Variants in ABR observed in about 807,000 individuals in gnomAD.
ABR encodes ABR activator of RhoGEF and GTPase, also known as active breakpoint cluster region-related protein.
A neutral mutation model predicts 107.2 loss-of-function variants in ABR; 35 were observed. The observed-to-expected ratio is 0.33, with a 90% CI of 0.25 to 0.43. ABR has a LOEUF of 0.43. ABR is among the 20% of genes least tolerant of loss of function. ABR has a pLI of 1.00. For missense variants in ABR, 815 were observed against 1,115.2 expected, an observed-to-expected ratio of 0.73 and a Z score of 3.83; for synonymous variants, 498 against 462.0, an observed-to-expected ratio of 1.08 and a Z score of -1.00.
At chr17:1,039,868 C>G (rs527813422) in intron 16 of ABR, among the ~76,000 whole-genome samples, 2 of 152,162 alleles carry the variant, frequency 1.3e-5, no homozygotes, top group Non-Finnish European at 2.9e-5. Flanking sequence ...GGCGCCGACG[C>G]GGGCTGATCT....
intron 1 of ABR, among the ~76,000 whole-genome samples, chr17:1,204,724 T>C (rs11650430): frequency 0.36 from 54,296 of 151,866 alleles, 11,191 homozygotes; most frequent in Non-Finnish European, 0.48. Flanking sequence ...CATAGTGGGC[T>C]ATACCATTGA....
intron 1 of ABR, among the ~76,000 whole-genome samples, chr17:1,160,478 G>A (rs1022699261): frequency 1.3e-5 from 2 of 152,194 alleles, no homozygotes; most frequent in Non-Finnish European, 2.9e-5. Flanking sequence ...TGACACCTAC[G>A]TCTCTCTGAC....
At chr17:1,196,931 T>C (rs1203366222) in intron 1 of ABR, among the ~76,000 whole-genome samples, 1 of 151,774 alleles carries the variant, frequency 6.6e-6, no homozygotes, top group Non-Finnish European at 1.5e-5. Flanking sequence ...CCTGACCTCG[T>C]GATCCATCCG....
At chr17:1,160,663 C>T (rs144457026) in intron 1 of ABR, among the ~76,000 whole-genome samples, 183 of 152,286 alleles carry the variant, frequency 1.2e-3, no homozygotes, top group African/African-American at 4.0e-3. Context: ...AGCCAGACGC[C>T]GAGCGCGTAC....
rs889582352 is a variant in ABR at position 1,050,031 on chromosome 17, C to T, written c.1791+19G>A. 11 of 1,610,160 alleles carry T rather than the reference C, an allele frequency of 6.8e-6. No homozygotes were observed. The highest frequency in any genetic ancestry group is 9.3e-6 in the Non-Finnish European group (11 of 1,178,584). On this transcript the variant is annotated intron_variant, in intron 16 of 22. Transcript: ENST00000302538. The surrounding 1 kb of genome is among the most constrained non-coding windows in gnomAD (Gnocchi z 4.6). ...CTCCTGGAGGCTCCCTCAGCCTCGC[C>T]CCGGCGCCCTGGCCTCACCTGGATC...
At position 1,045,736 on chromosome 17, in the gene ABR, T is replaced by C. The variant is rs553963917; in HGVS notation, c.1791+4314A>G. Among the ~76,000 whole-genome samples, 23 of 152,364 alleles carry C rather than the reference T, an allele frequency of 1.5e-4. No homozygotes were observed. In the South Asian group the frequency reaches 4.6e-3, roughly 30 times the overall value. ...GTGTACGGCTATTGTGGCTGACATC[T>C]AGCATTCTTCTCACTGGAGAACATG... On this transcript the variant is annotated intron_variant, in intron 16 of 22. Transcript: ENST00000302538.
Position 1,070,189 on chromosome 17 carries a change from G to A in ABR, c.895-99C>T, listed in dbSNP as rs912660885. On this transcript the variant is annotated intron_variant, in intron 8 of 22. Coordinates refer to ENST00000302538, the MANE Select transcript of ABR (RefSeq NM_021962.5). This position sits in a 1 kb window ranked among gnomAD's most constrained non-coding sequence, Gnocchi z 4.2. ...ACGGCCAGCCAGGGAGGACTGGACCGAGAGGCGGCATAGCCTGTCATCCCT... is the reference window on the plus strand; with the variant it reads ...ACGGCCAGCCAGGGAGGACTGGACCAAGAGGCGGCATAGCCTGTCATCCCT... 58 of 1,502,840 alleles carry A rather than the reference G, an allele frequency of 3.9e-5. No homozygotes were observed. Among genetic ancestry groups the A allele is most frequent in the Non-Finnish European group, 4.4e-5 (49 of 1,103,922 alleles). The allele number at this position is 1,502,840 out of a possible 1,614,324, so 93.1% of individuals were successfully genotyped here.
chr17:1,191,736 C>T (rs2042441572), upstream of ABR, among the ~76,000 whole-genome samples: 1 of 152,136 alleles, frequency 6.6e-6, no homozygotes, highest in Admixed American at 6.6e-5. Context: ...GGAAGAAGAA[C>T]AGAGGGTAAC....
chr17:1,029,563 G>T (rs2072539117), intron 16 of ABR, among the ~76,000 whole-genome samples: 1 of 152,214 alleles, frequency 6.6e-6, no homozygotes, highest in Non-Finnish European at 1.5e-5. Context: ...TTAACGAGGA[G>T]TTAATGAGGC....
Position 1,021,532 on chromosome 17 carries a change from G to A in ABR, c.1792-8368C>T, listed in dbSNP as rs557225937. Among the ~76,000 whole-genome samples the A allele has an allele frequency of 2.6e-3, 398 of 152,378 alleles. 1 individual carries two copies. The highest frequency in any genetic ancestry group is 0.01 in the Middle Eastern group (3 of 294). ...AAAAAAAGTGCTTCTTCAGCCAGGTGCGGTGGCTCACGCCTGTCATCCCAG... is the reference window on the plus strand; with the variant it reads ...AAAAAAAGTGCTTCTTCAGCCAGGTACGGTGGCTCACGCCTGTCATCCCAG... On this transcript the variant is annotated intron_variant, in intron 16 of 22. Coordinates refer to ENST00000302538, the MANE Select transcript of ABR (RefSeq NM_021962.5).
intron 6 of ABR, among the ~76,000 whole-genome samples, chr17:1,076,714 C>CGGGGGGGG (rs376868048): frequency 1.7e-4 from 7 of 42,166 alleles, no homozygotes; most frequent in African/African-American, 1.0e-3. Flanking sequence ...GGCAGGTGCA[C>CGGGGGGGG]GGGGGGGGTG....
intron 16 of ABR, among the ~76,000 whole-genome samples, chr17:1,023,663 G>A (rs747320428): frequency 2.6e-5 from 4 of 152,194 alleles, no homozygotes; most frequent in East Asian, 3.9e-4. Flanking sequence ...TGGAGGCCAC[G>A]GGAAGGCCAA....
chr17:1,162,097 C>T (rs2041321110), intron 1 of ABR, among the ~76,000 whole-genome samples: 1 of 152,184 alleles, frequency 6.6e-6, no homozygotes, highest in Non-Finnish European at 1.5e-5. Flanking sequence ...TTTGCCGACA[C>T]ATCCTCCAGA....
chr17:1,175,918 C>G (rs563493672), intron 1 of ABR, among the ~76,000 whole-genome samples: 21 of 152,138 alleles, frequency 1.4e-4, no homozygotes, highest in South Asian at 8.3e-4. Flanking sequence ...GGTGAAACCC[C>G]GTCTCTACTA....
chr17:1,175,051 A>C (rs2041869990), intron 1 of ABR, among the ~76,000 whole-genome samples: 1 of 152,202 alleles, frequency 6.6e-6, no homozygotes, highest in South Asian at 2.1e-4. Context: ...ATAAAATAAA[A>C]AAATAACAAA....
At position 1,067,098 on chromosome 17, in the gene ABR, G is replaced by A. The variant is rs372096854; in HGVS notation, c.1161C>T (p.Leu387=). 1.2e-6 allele frequency: 2 copies of A among 1,613,464 alleles called. No homozygotes were observed. Among genetic ancestry groups the A allele is most frequent in the African/African-American group, 1.3e-5 (1 of 74,870 alleles). ...LEDMKMKISA[L]KSEIQKEKAN... ...TCACCTCCTTCTGGATTTCACTCTT[G>A]AGGGCAGAGATCTTCATCTTCATGT... Residue 387 remains leucine (L), a synonymous_variant, in exon 10 of 23, where the codon CTC becomes CTT. Transcript: ENST00000302538.
intron 2 of ABR, among the ~76,000 whole-genome samples, chr17:1,115,992 C>T (rs1193776500): frequency 4.0e-5 from 6 of 151,190 alleles, no homozygotes; most frequent in Non-Finnish European, 8.8e-5. Context: ...TTTGGGAGGC[C>T]GAGGCGGGCG....
At position 1,037,964 on chromosome 17, in the gene ABR, C is replaced by A. The variant is rs1331725477; in HGVS notation, c.1791+12086G>T. ...CATGGTCTCCGGTGAGATTTCTTTT[C>A]TGCTGAGGACGCACCCCTGCCGTTT... On this transcript the variant is annotated intron_variant, in intron 16 of 22. Transcript: ENST00000302538. This position sits in a 1 kb window ranked among gnomAD's most constrained non-coding sequence, Gnocchi z 4.6. 6.6e-6 allele frequency among the ~76,000 whole-genome samples: 1 copy of A among 152,188 alleles called. No individual in the cohort carries two copies. Among genetic ancestry groups the A allele is most frequent in the Non-Finnish European group, 1.5e-5 (1 of 68,036 alleles).
intron 9 of ABR, 146 bp from the exon 10 acceptor site, chr17:1,067,388 G>C (rs1444007849): frequency 2.4e-6 from 2 of 828,134 alleles, no homozygotes; most frequent in Non-Finnish European, 3.6e-6. Flanking sequence ...TGAGGAGCCT[G>C]ATTGGGAAAC....
Sources: gnomAD v4.1 joint callset for allele counts (sites outside exome capture counted in the v4.1 genomes callset) on GRCh38, gnomAD v4.1.1 for gene constraint, Gnocchi (gnomAD v3.1) non-coding constraint, MANE v1.5 for transcripts, NCBI Gene and HGNC (gene_info 2026-07-23, HGNC 2026-07-21) for gene names.